RPL31: variants seen among roughly 807,000 people sequenced by gnomAD.
RPL31 encodes large ribosomal subunit protein eL31.
For synonymous variants in RPL31, 51 were observed against 55.0 expected (o/e 0.93, Z 0.32); for missense variants, 95 against 164.0 (o/e 0.58, Z 2.30).
intron 3 of RPL31, chr2:101,005,313 CTG>C (rs1231886880): frequency 1.3e-5 from 2 of 152,758 alleles, no homozygotes; most frequent in South Asian, 2.1e-4. Context: ...GTTTTTAACA[CTG>C]TTTTTTGTTC....
downstream of RPL31, among the ~76,000 whole-genome samples, chr2:101,012,111 G>A (rs74556437): frequency 6.2e-3 from 938 of 152,270 alleles, 12 homozygotes; most frequent in African/African-American, 0.022. Context: ...ATATATTGAC[G>A]ATGGGAATAT....
intron 4 of RPL31, among the ~76,000 whole-genome samples, chr2:101,017,199 A>G (rs1486239456): frequency 6.6e-6 from 1 of 152,022 alleles, no homozygotes; most frequent in African/African-American, 2.4e-5. Flanking sequence ...GCAATAACAC[A>G]CACAAAGCTG....
At chr2:101,004,443 G>T in intron 3 of RPL31, 160 bp downstream of exon 3, 1 of 717,794 alleles carries the variant, frequency 1.4e-6, no homozygotes. Context: ...AGTATCTGCA[G>T]GGAAGCCCCT....
At chr2:101,017,971 A>G (rs562468510) in intron 4 of RPL31, 1 of 1,543,404 alleles carries the variant, frequency 6.5e-7, no homozygotes, top group African/African-American at 1.4e-5. Context: ...GTCATTATAG[A>G]GGATTCGAAC....
intron 2 of RPL31, among the ~76,000 whole-genome samples, chr2:101,003,576 A>G (rs1306575529): frequency 1.3e-5 from 2 of 152,204 alleles, no homozygotes; most frequent in Non-Finnish European, 2.9e-5. Context: ...TGTGTGAAGA[A>G]CAAGGGATTG....
At chr2:101,003,215 G>C (rs1012697942) in intron 2 of RPL31, among the ~76,000 whole-genome samples, 1 of 152,172 alleles carries the variant, frequency 6.6e-6, no homozygotes, top group Non-Finnish European at 1.5e-5. Context: ...CTACTTTGTT[G>C]AATTTTTACC....
At chr2:101,009,793 A>G (rs932956844), downstream of RPL31, among the ~76,000 whole-genome samples, 3 of 151,916 alleles carry the variant, frequency 2.0e-5, no homozygotes, top group African/African-American at 7.2e-5. Context: ...CACAGCACCA[A>G]AATGACTTAA....
downstream of RPL31, among the ~76,000 whole-genome samples, chr2:101,010,553 G>T (rs575756286): frequency 1.3e-5 from 2 of 151,600 alleles, no homozygotes; most frequent in East Asian, 3.9e-4. Context: ...CAGGTAAAGG[G>T]GCCCAAGCTT....
At chr2:101,018,461 T>C (rs1653736721) in intron 4 of RPL31, among the ~76,000 whole-genome samples, 1 of 152,212 alleles carries the variant, frequency 6.6e-6, no homozygotes, top group Non-Finnish European at 1.5e-5. Flanking sequence ...ACTCATCCTT[T>C]AGACAGCAGA....
downstream of RPL31, chr2:101,007,725 G>A (rs989140324): frequency 9.0e-5 from 117 of 1,296,256 alleles, no homozygotes; most frequent in Non-Finnish European, 1.2e-4. Flanking sequence ...CATTGGTAAG[G>A]TAGACTGAAA....
intron 4 of RPL31, among the ~76,000 whole-genome samples, chr2:101,015,219 G>A (rs1317554767): frequency 6.6e-6 from 1 of 152,036 alleles, no homozygotes; most frequent in Non-Finnish European, 1.5e-5. Context: ...TGTAGAAAAG[G>A]TGCTATAAAA....
rs148280069 is a variant in RPL31 at position 101,006,567 on chromosome 2, A to G, written c.*186A>G. ...GGTTTTAAAGTGATTTCAAACTGCA[A>G]CCTAGTTTTAGAACCACTGTTCTGG... is the stretch of plus-strand genomic sequence containing the variant. On this transcript the variant is annotated 3_prime_UTR_variant, in exon 5 of 5. Coordinates refer to ENST00000264258, the MANE Select transcript of RPL31 (RefSeq NM_000993.5). The G allele has an allele frequency of 2.0e-3, 1,104 of 546,850 alleles. 1 individual carries two copies. Among genetic ancestry groups the G allele is most frequent in the Non-Finnish European group, 2.7e-3 (858 of 320,010 alleles). 33.9% of individuals were successfully genotyped at this position (546,850 alleles called of 1,614,324 possible).
chr2:101,009,903 G>A (rs868603530), downstream of RPL31, among the ~76,000 whole-genome samples: 4 of 150,020 alleles, frequency 2.7e-5, no homozygotes, highest in Admixed American at 6.7e-5. Flanking sequence ...CTCACTGCAA[G>A]CTCCGCCTCC....
chr2:101,012,654 G>A (rs921116724), intron 4 of RPL31, among the ~76,000 whole-genome samples: 2 of 151,636 alleles, frequency 1.3e-5, no homozygotes, highest in African/African-American at 2.4e-5. Flanking sequence ...TGAATTGTAC[G>A]CTTTAAACGG....
At chr2:101,002,861 C>T in intron 2 of RPL31, 53 bp downstream of exon 2, 1 of 1,293,792 alleles carries the variant, frequency 7.7e-7, no homozygotes, top group Non-Finnish European at 1.1e-6. Flanking sequence ...CTGGTTGTTA[C>T]CGAGAGATGT....
At chr2:101,003,294 A>G (rs1236835390) in intron 2 of RPL31, among the ~76,000 whole-genome samples, 1 of 152,168 alleles carries the variant, frequency 6.6e-6, no homozygotes, top group Non-Finnish European at 1.5e-5. Flanking sequence ...CTTTGAGTCC[A>G]ATATCACCCT....
In RPL31 at chr2:101,006,447, A is replaced by G. The variant is rs530356691; in HGVS notation, c.*66A>G. The G allele has an allele frequency of 9.8e-4, 1,435 of 1,464,356 alleles. 21 individuals are homozygous for G. In the South Asian group the frequency reaches 0.017, roughly 17 times the overall value. The allele number at this position is 1,464,356 out of a possible 1,614,324, so 90.7% of individuals were successfully genotyped here. The stretch of plus-strand genomic sequence containing the variant: ...CATGTTTTTGTTCTTTTTAGTTGCA[A>G]CATAATGTACTTGTATACCCTATCC... On this transcript the variant is annotated 3_prime_UTR_variant, in exon 5 of 5. Transcript: ENST00000264258.
intron 4 of RPL31, among the ~76,000 whole-genome samples, chr2:101,015,581 CA>C: frequency 6.6e-6 from 1 of 152,128 alleles, no homozygotes; most frequent in Non-Finnish European, 1.5e-5. Flanking sequence ...ATTTTTCTAT[CA>C]AAAAAATCTT....
At chr2:101,019,110 C>T in exon 5 of RPL31, 1 of 1,560,612 alleles carries the variant, frequency 6.4e-7, no homozygotes, top group Non-Finnish European at 8.7e-7. Flanking sequence ...GCAGCAGATG[C>T]CTTTACAACC....
Sources: gnomAD v4.1 joint callset for allele counts (sites outside exome capture counted in the v4.1 genomes callset) on GRCh38, gnomAD v4.1.1 for gene constraint, MANE v1.5 for transcripts, NCBI Gene and HGNC (gene_info 2026-07-23, HGNC 2026-07-21) for gene names.